Variants in STAT2 observed in about 807,000 individuals in gnomAD.
STAT2 encodes interferon alpha induced transcriptional activator.
A neutral mutation model predicts 122.3 loss-of-function variants in STAT2; 51 were observed. The observed-to-expected ratio is 0.42, with a 90% CI of 0.33 to 0.53. The LOEUF (loss-of-function observed/expected upper bound fraction) is 0.53, where lower values mean the gene tolerates loss of function less well. Among genes scored for constraint, STAT2 ranks in the 20% least tolerant of loss-of-function variants. The probability of loss-of-function intolerance (pLI) is 0.10; values close to 1 mark genes in which losing one functional copy is unlikely to be tolerated. For synonymous variants in STAT2, 351 were observed against 394.9 expected (o/e 0.89, Z 1.32); for missense variants, 736 against 1,010.3 (o/e 0.73, Z 3.68).
intron 1 of STAT2, among the ~76,000 whole-genome samples, chr12:56,359,224 C>T (rs993715942): frequency 6.6e-6 from 1 of 152,024 alleles, no homozygotes. Context: ...TTTAGTAGTG[C>T]TTGATTTTTA....
Position 56,354,801 on chromosome 12 carries a change from T to C in STAT2, c.610A>G (p.Asn204Asp), listed in dbSNP as rs763506452. ...ACCTTTCTCCTTTTGTCCAGTTCATTGAGAGTTTCCTGCAGAATCTTCTGC... is the reference window on the plus strand; with the variant it reads ...ACCTTTCTCCTTTTGTCCAGTTCATCGAGAGTTTCCTGCAGAATCTTCTGC... The part of the protein sequence containing the change: ...KEQKILQETL[N>D]ELDKRRKEVL... The change falls in exon 7 of 24, where the codon AAT becomes GAT. Residue 204 changes from asparagine (N) to aspartate (D), a missense_variant. Transcript: ENST00000314128. 1 of 1,614,174 alleles carries C rather than the reference T, an allele frequency of 6.2e-7. No homozygotes were observed. The highest frequency in any genetic ancestry group is 1.7e-5 in the Admixed American group (1 of 60,020).
chr12:56,343,342 G>A lies in STAT2; in HGVS notation c.*47C>T, dbSNP rs74770699. On this transcript the variant is annotated 3_prime_UTR_variant, in exon 24 of 24. Coordinates refer to ENST00000314128, the MANE Select transcript of STAT2 (RefSeq NM_005419.4). ...TTGGAGAACAATATCATGCTATGAGGAGTAGGAAGGGCAAGAGATATGAAA... is the reference window on the plus strand; with the variant it reads ...TTGGAGAACAATATCATGCTATGAGAAGTAGGAAGGGCAAGAGATATGAAA... 4.4e-6 allele frequency: 7 copies of A among 1,592,142 alleles called. No individual in the cohort carries two copies. In the Admixed American group the frequency reaches 1.2e-4, roughly 27 times the overall value.
At chr12:56,353,729 C>G (rs1878915041) in intron 8 of STAT2, among the ~76,000 whole-genome samples, 1 of 151,556 alleles carries the variant, frequency 6.6e-6, no homozygotes. Context: ...CATGGTGGCT[C>G]ACGCCTGTAA....
chr12:56,352,371 T>TTTTTG (rs1565655623), intron 8 of STAT2: 80 of 28,408 alleles, frequency 2.8e-3, no homozygotes, highest in Non-Finnish European at 3.5e-3. Context: ...TTTTTTTTTT[T>TTTTTG]GGTGGGGGTG....
chr12:56,344,680 G>A (rs1401275764), intron 22 of STAT2, among the ~76,000 whole-genome samples: 1 of 152,180 alleles, frequency 6.6e-6, no homozygotes, highest in Non-Finnish European at 1.5e-5. Context: ...TGACCAGCCT[G>A]GCCAACATGG....
rs2136044173 is a variant in STAT2 at position 56,346,853 on chromosome 12, GC to G, written c.1826del (p.Gly609AlafsTer33). ...LLRFSESSEG[G>X]ITCSWVEHQD... is the part of the protein sequence containing the mutation. Reference sequence around the variant, plus strand: ...GGTGCTCCACCCAGGAGCAGGTAATGCCCCCTTCTGACGATTCACTGAAGCG... The same window carrying G: ...GGTGCTCCACCCAGGAGCAGGTAATGCCCCTTCTGACGATTCACTGAAGCG... On this transcript the variant is annotated frameshift_variant, in exon 20 of 24. Transcript: ENST00000314128. LOFTEE classifies it high-confidence loss of function. 6.2e-7 allele frequency: 1 copy of G among 1,614,150 alleles called. No individual in the cohort carries two copies. Among genetic ancestry groups the G allele is most frequent in the Non-Finnish European group, 8.5e-7 (1 of 1,180,030 alleles).
chr12:56,355,139 T>C, intron 6 of STAT2, 137 bp downstream of exon 6: 1 of 1,036,756 alleles, frequency 9.6e-7, no homozygotes, highest in Admixed American at 2.2e-5. Context: ...CTTCCAGCTT[T>C]GCACGGCAGC....
chr12:56,351,815 G>GTTGTA (rs1238591907), intron 8 of STAT2, among the ~76,000 whole-genome samples: 1 of 152,058 alleles, frequency 6.6e-6, no homozygotes, highest in Admixed American at 6.6e-5. Flanking sequence ...GAAAGGTTAA[G>GTTGTA]TGACTTGCTT....
At chr12:56,349,800 G>T in intron 13 of STAT2, 164 bp from the exon 14 acceptor site, 1 of 926,772 alleles carries the variant, frequency 1.1e-6, no homozygotes, top group East Asian at 2.6e-5. Context: ...TGTGATCCCA[G>T]CACTTTGGGA....
At chr12:56,351,790 T>C (rs1295588090) in intron 8 of STAT2, among the ~76,000 whole-genome samples, 1 of 152,182 alleles carries the variant, frequency 6.6e-6, no homozygotes, top group African/African-American at 2.4e-5. Context: ...TTACAGATGA[T>C]AAAACTGAGG....
At position 56,343,117 on chromosome 12, in the gene STAT2, C is replaced by T. The variant is rs1468734331; in HGVS notation, c.*272G>A. ...GTACCTGTCAACTGCCCTGGCCTGC[C>T]CCCAGGACCCCTATACCTCCCAGCA... On this transcript the variant is annotated 3_prime_UTR_variant, in exon 24 of 24. Transcript: ENST00000314128. 2.8e-6 allele frequency: 1 copy of T among 363,528 alleles called. No homozygotes were observed. The highest frequency in any genetic ancestry group is 2.1e-5 in the African/African-American group (1 of 48,718). The allele number at this position is 363,528 out of a possible 1,614,324, so 22.5% of individuals were successfully genotyped here.
intron 1 of STAT2, among the ~76,000 whole-genome samples, chr12:56,357,018 T>A (rs1250690021): frequency 7.0e-6 from 1 of 142,944 alleles, no homozygotes. Context: ...TAGGAATGCC[T>A]AATCTGTATT....
chr12:56,343,683 T>A, intron 23 of STAT2, 142 bp downstream of exon 23: 1 of 1,527,302 alleles, frequency 6.5e-7, no homozygotes, highest in Non-Finnish European at 8.8e-7. Flanking sequence ...GGAAGGCATG[T>A]GTAATTCCTA....
intron 8 of STAT2, among the ~76,000 whole-genome samples, chr12:56,353,059 C>T (rs775479715): frequency 2.6e-5 from 4 of 151,848 alleles, no homozygotes; most frequent in Non-Finnish European, 5.9e-5. Context: ...TCACAGCTCA[C>T]TGCAACCTCT....
chr12:56,355,621 A>G, intron 4 of STAT2, 87 bp downstream of exon 4: 1 of 1,597,002 alleles, frequency 6.3e-7, no homozygotes, highest in Non-Finnish European at 8.6e-7. Context: ...TGTCGGGGGG[A>G]TCCTGTTCTG....
At chr12:56,354,016 A>AAAATATAT (rs71081350) in intron 8 of STAT2, among the ~76,000 whole-genome samples, 1 of 16,698 alleles carries the variant, frequency 6.0e-5, no homozygotes, top group Admixed American at 1.4e-3. Flanking sequence ...AAAAAAAAAA[A>AAAATATAT]ATATATATAT....
chr12:56,344,083 C>T lies in STAT2; in HGVS notation c.2155G>A (p.Glu719Lys), dbSNP rs1373504686. Residue 719 changes from glutamate (E) to lysine (K), a missense_variant, in exon 23 of 24, where the codon GAG (glutamate) becomes AAG (lysine). Transcript: ENST00000314128. ...PLELKPEPEL[E>K]SLELELGLVP... ...AGCCCTAGTTCCAGCTCTAATGACT[C>T]CAGCTCTGGCTCTGGCTTAAGCTCC... 6.3e-7 allele frequency: 1 copy of T among 1,591,000 alleles called. No individual in the cohort carries two copies. The highest frequency in any genetic ancestry group is 1.1e-5 in the South Asian group (1 of 89,004).
chr12:56,345,788 G>GA (rs963436603), intron 22 of STAT2, among the ~76,000 whole-genome samples: 45 of 140,818 alleles, frequency 3.2e-4, no homozygotes, highest in Admixed American at 8.6e-4. Context: ...ACCCTGTCTG[G>GA]AAAAAAAAAA....
At chr12:56,359,863 G>C (rs1298915791) in intron 1 of STAT2, among the ~76,000 whole-genome samples, 195 bp downstream of exon 1, 3 of 152,202 alleles carry the variant, frequency 2.0e-5, no homozygotes, top group Admixed American at 6.5e-5. Context: ...AGTTTTGGGA[G>C]AGGGGCATTA....
Sources: gnomAD v4.1 joint callset for allele counts (sites outside exome capture counted in the v4.1 genomes callset) on GRCh38, gnomAD v4.1.1 for gene constraint, MANE v1.5 for transcripts, NCBI Gene and HGNC (gene_info 2026-07-23, HGNC 2026-07-21) for gene names.